The following BLTP1 variants were observed in gnomAD, a reference collection of about 807,000 sequenced individuals.
BLTP1 encodes the protein fragile site-associated protein.
the BLTP1 span, among the ~76,000 whole-genome samples, chr4:122,160,627 C>T: frequency 6.6e-6 from 1 of 152,148 alleles, no homozygotes; most frequent in African/African-American, 2.4e-5. Context: ...AGTGCTTAGA[C>T]CATTTTTGTC....
the BLTP1 span, among the ~76,000 whole-genome samples, chr4:122,275,665 A>G: frequency 6.6e-6 from 1 of 152,156 alleles, no homozygotes; most frequent in African/African-American, 2.4e-5. Flanking sequence ...AAAGTATTAT[A>G]TAGCTGATAT....
At chr4:122,176,283 A>G in the BLTP1 span, among the ~76,000 whole-genome samples, 3 of 151,986 alleles carry the variant, frequency 2.0e-5, no homozygotes, top group Non-Finnish European at 4.4e-5. Context: ...AGCCTGGGCA[A>G]CAGAGCGATA....
chr4:122,304,325 C>T, the BLTP1 span, among the ~76,000 whole-genome samples: 1 of 152,146 alleles, frequency 6.6e-6, no homozygotes, highest in South Asian at 2.1e-4. Context: ...TATTCTCCTG[C>T]CTCAGCCTAC....
At chr4:122,197,983 C>T in the BLTP1 span, 1 of 984,536 alleles carries the variant, frequency 1.0e-6, no homozygotes, top group Admixed American at 6.2e-5. Flanking sequence ...AGCAACTTAC[C>T]CACATTTAAA....
At chr4:122,314,317 A>G in the BLTP1 span, among the ~76,000 whole-genome samples, 1 of 152,138 alleles carries the variant, frequency 6.6e-6, no homozygotes, top group African/African-American at 2.4e-5. Flanking sequence ...TTAAATGCCA[A>G]ATTAAGGAGT....
At chr4:122,252,095 G>A in the BLTP1 span, among the ~76,000 whole-genome samples, 2 of 152,170 alleles carry the variant, frequency 1.3e-5, no homozygotes, top group Non-Finnish European at 2.9e-5. Context: ...AGTCCTGGCA[G>A]GATCAATCAC....
At chr4:122,189,352 G>A in the BLTP1 span, 1 of 982,790 alleles carries the variant, frequency 1.0e-6, no homozygotes. Flanking sequence ...ATCAAAGCAA[G>A]CAAAGATTAA....
chr4:122,241,860 A>G, the BLTP1 span, among the ~76,000 whole-genome samples: 445 of 152,268 alleles, frequency 2.9e-3, no homozygotes, highest in Non-Finnish European at 3.7e-3. Flanking sequence ...TTTTAAATAA[A>G]TCTTTCTAGT....
At chr4:122,297,799 A>T in the BLTP1 span, among the ~76,000 whole-genome samples, 1 of 152,214 alleles carries the variant, frequency 6.6e-6, no homozygotes. Context: ...CAGCATACTA[A>T]TGCAGGAACA....
the BLTP1 span, among the ~76,000 whole-genome samples, chr4:122,196,159 A>G: frequency 3.9e-5 from 6 of 152,334 alleles, no homozygotes; most frequent in East Asian, 1.9e-4. Flanking sequence ...GAAATAGCCA[A>G]TTCTTCCATG....
chr4:122,249,580 A>T, the BLTP1 span: 1 of 1,613,768 alleles, frequency 6.2e-7, no homozygotes, highest in South Asian at 1.1e-5. Context: ...TGTGGATGAA[A>T]CTGATCAGCA....
At chr4:122,279,239 T>G in the BLTP1 span, among the ~76,000 whole-genome samples, 60 of 152,180 alleles carry the variant, frequency 3.9e-4, no homozygotes, top group African/African-American at 1.3e-3. Flanking sequence ...TGTTGGCTGT[T>G]GTTTGTGCTG....
chr4:122,279,608 G>A, the BLTP1 span: 2 of 290,432 alleles, frequency 6.9e-6, no homozygotes, highest in Non-Finnish European at 1.0e-5. Flanking sequence ...TTATTTTGGT[G>A]CAAAATAATT....
At chr4:122,213,980 C>G in the BLTP1 span, among the ~76,000 whole-genome samples, 1 of 152,030 alleles carries the variant, frequency 6.6e-6, no homozygotes, top group African/African-American at 2.4e-5. Flanking sequence ...TAGCAAATAA[C>G]TGCATGAAAG....
the BLTP1 span, chr4:122,199,803 A>G: frequency 3.0e-4 from 150 of 503,498 alleles, no homozygotes; most frequent in Non-Finnish European, 3.6e-4. Context: ...GCCCCGCTGG[A>G]TTTCTTTCCC....
the BLTP1 span, chr4:122,333,337 A>G: frequency 1.9e-5 from 2 of 108,080 alleles, no homozygotes; most frequent in African/African-American, 7.4e-5. Context: ...CTGGTGTGAG[A>G]TGATATCTCA....
At chr4:122,171,015 T>A in the BLTP1 span, among the ~76,000 whole-genome samples, 3 of 152,156 alleles carry the variant, frequency 2.0e-5, no homozygotes, top group African/African-American at 7.2e-5. Flanking sequence ...TGGTTTCAGG[T>A]CACCTCCCCA....
At chr4:122,200,064 A>G in the BLTP1 span, 1 of 966,584 alleles carries the variant, frequency 1.0e-6, no homozygotes, top group Non-Finnish European at 1.2e-6. Flanking sequence ...TCTTTCATAT[A>G]AGATGGTGCC....
At chr4:122,239,072 C>T in the BLTP1 span, among the ~76,000 whole-genome samples, 1 of 152,118 alleles carries the variant, frequency 6.6e-6, no homozygotes, top group Non-Finnish European at 1.5e-5. Flanking sequence ...CCAGTTTTAA[C>T]TTGTTCTGCC....
Sources: gnomAD v4.1 joint callset for allele counts (sites outside exome capture counted in the v4.1 genomes callset) on GRCh38, gnomAD v4.1.1 for gene constraint, MANE v1.5 for transcripts, NCBI Gene and HGNC (gene_info 2026-07-23, HGNC 2026-07-21) for gene names.